The following COL27A1 variants were observed in gnomAD, a reference collection of about 807,000 sequenced individuals.
COL27A1 encodes collagen type XXVII alpha 1 chain, also known as collagen alpha-1(XXVII) chain.
Under a neutral mutation model 251.3 loss-of-function variants are expected in COL27A1, and 106 were observed. That is an observed-to-expected ratio of 0.42 (90% CI 0.36 to 0.50). The LOEUF is 0.50. Ranked by LOEUF, COL27A1 falls within the 20% of genes least tolerant of loss-of-function variation. COL27A1 has a pLI of 0.00. For missense variants in COL27A1, 2,325 were observed against 2,522.8 expected, an observed-to-expected ratio of 0.92 and a Z score of 1.68; for synonymous variants, 1,000 against 986.3, an observed-to-expected ratio of 1.01 and a Z score of -0.26.
rs1486363929 is a variant in COL27A1, at chr9:114,292,034, C to T, written c.4477-69C>T. 6.7e-6 allele frequency: 9 copies of T among 1,349,992 alleles called. No homozygotes were observed. In the African/African-American group the frequency reaches 1.0e-4, roughly 15 times the overall value. 83.6% of individuals were successfully genotyped at this position (1,349,992 alleles called of 1,614,324 possible). A position where few individuals can be genotyped will look rare whatever the true frequency, so the allele number is the denominator to read the frequency against. ...ATCACTGTTCTGGCTCTCCCAGGCC[C>T]CCTCCGCCTCCTCCTGCCTTAGAAC... On this transcript the variant is annotated intron_variant, in intron 48 of 60. Coordinates refer to ENST00000356083, the MANE Select transcript of COL27A1 (RefSeq NM_032888.4).
At chr9:114,234,122 A>G (rs944258882) in intron 16 of COL27A1, among the ~76,000 whole-genome samples, 22 of 147,730 alleles carry the variant, frequency 1.5e-4, no homozygotes, top group African/African-American at 5.5e-4. Flanking sequence ...CTTCAAATTC[A>G]TTGTCCTGAT....
At chr9:114,259,444 C>A (rs1834163117) in intron 28 of COL27A1, among the ~76,000 whole-genome samples, 1 of 152,188 alleles carries the variant, frequency 6.6e-6, no homozygotes, top group East Asian at 1.9e-4. Flanking sequence ...AGGTGCTATT[C>A]TCATTCCCAT....
At chr9:114,245,766 C>G in intron 23 of COL27A1, 100 bp from the exon 24 acceptor site, 1 of 1,090,638 alleles carries the variant, frequency 9.2e-7, no homozygotes, top group Non-Finnish European at 1.4e-6. Flanking sequence ...CTGGTTCATC[C>G]CCACTAATGG....
chr9:114,305,900 G>T (rs1425910609), intron 57 of COL27A1, among the ~76,000 whole-genome samples: 2 of 152,220 alleles, frequency 1.3e-5, no homozygotes, highest in African/African-American at 4.8e-5. Context: ...GTGGAAGGAG[G>T]GTTTATTTAG....
At chr9:114,287,060 T>C (rs1432938878) in intron 41 of COL27A1, among the ~76,000 whole-genome samples, 1 of 152,082 alleles carries the variant, frequency 6.6e-6, no homozygotes, top group Non-Finnish European at 1.5e-5. Flanking sequence ...CCAAGAACCA[T>C]AGAGAGTGGG....
chr9:114,197,753 G>A (rs1279090307), intron 7 of COL27A1, among the ~76,000 whole-genome samples: 1 of 152,238 alleles, frequency 6.6e-6, no homozygotes, highest in Non-Finnish European at 1.5e-5. Flanking sequence ...AAGCCACTGC[G>A]CAGCTGGAAA....
At chr9:114,309,559 T>G in intron 60 of COL27A1, 81 bp downstream of exon 60, 1 of 1,004,552 alleles carries the variant, frequency 1.0e-6, no homozygotes, top group Non-Finnish European at 1.5e-6. Context: ...GTTTCTATTA[T>G]AAGATTATAT....
At chr9:114,166,530 C>G (rs1185989338) in intron 2 of COL27A1, among the ~76,000 whole-genome samples, 1 of 152,136 alleles carries the variant, frequency 6.6e-6, no homozygotes, top group Non-Finnish European at 1.5e-5. Context: ...GCATTCAGCC[C>G]CCAGCACAAC....
At position 114,243,925 on chromosome 9, in the gene COL27A1, A is replaced by AT. The variant is rs397894289; in HGVS notation, c.2934+384dup. 7.6e-3 allele frequency among the ~76,000 whole-genome samples: 598 copies of AT among 78,734 alleles called. 3 individuals carry two copies. Among genetic ancestry groups the AT allele is most frequent in the Non-Finnish European group, 9.5e-3 (382 of 40,024 alleles). 51.7% of individuals were successfully genotyped at this position (78,734 alleles called of 152,430 possible). A position where few individuals can be genotyped will look rare whatever the true frequency, so the allele number is the denominator to read the frequency against. On this transcript the variant is annotated intron_variant, in intron 23 of 60. Transcript: ENST00000356083. Reference sequence around the variant, plus strand: ...TGCACCGTTTCTGTTTTTTTCTTTCATTTTTTTTTTTTTTTTTTTGAGATG... The same window carrying AT: ...TGCACCGTTTCTGTTTTTTTCTTTCATTTTTTTTTTTTTTTTTTTTGAGATG...
Position 114,300,077 on chromosome 9 carries a change from C to T in COL27A1, c.4592C>T (p.Ser1531Phe), listed in dbSNP as rs762524580. The change falls in exon 50 of 61, where the codon TCT becomes TTT. Residue 1531 changes from serine (S) to phenylalanine (F), a missense_variant. Coordinates refer to ENST00000356083, the MANE Select transcript of COL27A1 (RefSeq NM_032888.4). ...TTCCTGTTCTTCCTGCAGGGCGACTCTGGCGAGATGGGCTTCCCAGGAATG... is the reference window on the plus strand; with the variant it reads ...TTCCTGTTCTTCCTGCAGGGCGACTTTGGCGAGATGGGCTTCCCAGGAATG... ...EPGSKGQPGD[S>F]GEMGFPGMAG... The T allele has an allele frequency of 6.2e-7, 1 of 1,614,186 alleles. No homozygotes were observed. The highest frequency in any genetic ancestry group is 8.5e-7 in the Non-Finnish European group (1 of 1,180,006).
At chr9:114,252,468 C>G in intron 25 of COL27A1, 125 bp from the exon 26 acceptor site, 1 of 781,438 alleles carries the variant, frequency 1.3e-6, no homozygotes, top group East Asian at 2.5e-5. Context: ...GGCAGGGACC[C>G]TCTAGAGACC....
chr9:114,277,467 T>C (rs1174898684), intron 37 of COL27A1, among the ~76,000 whole-genome samples: 2 of 152,054 alleles, frequency 1.3e-5, no homozygotes, highest in African/African-American at 2.4e-5. Flanking sequence ...ACACTGTTTT[T>C]CCCCCCTGAA....
At chr9:114,173,333 C>A (rs1215428778) in intron 3 of COL27A1, among the ~76,000 whole-genome samples, 1 of 152,260 alleles carries the variant, frequency 6.6e-6, no homozygotes, top group African/African-American at 2.4e-5. Context: ...ACACCACGTG[C>A]TCTGTGACTA....
chr9:114,169,527 G>A, intron 3 of COL27A1, 64 bp downstream of exon 3: 2 of 1,321,222 alleles, frequency 1.5e-6, no homozygotes, highest in Non-Finnish European at 2.1e-6. Context: ...CATTGGTCAA[G>A]TGGTTGCCCC....
At chr9:114,174,418 TCA>T (rs1849542004) in intron 3 of COL27A1, among the ~76,000 whole-genome samples, 1 of 152,112 alleles carries the variant, frequency 6.6e-6, no homozygotes, top group Non-Finnish European at 1.5e-5. Flanking sequence ...AGGGGTCTCC[TCA>T]CAGAAGCAGG....
intron 1 of COL27A1, among the ~76,000 whole-genome samples, chr9:114,160,454 C>A (rs1387418553): frequency 6.6e-6 from 1 of 151,982 alleles, no homozygotes; most frequent in Non-Finnish European, 1.5e-5. Context: ...CGTGCCCGGC[C>A]GTTTTTTAAA....
At chr9:114,217,893 C>T (rs1264368575) in intron 12 of COL27A1, 3 of 459,504 alleles carry the variant, frequency 6.5e-6, no homozygotes, top group Non-Finnish European at 8.9e-6. Flanking sequence ...GCAGGCAGAT[C>T]GCTTGAGCCC....
chr9:114,255,170 G>A (rs1051542060), intron 27 of COL27A1, among the ~76,000 whole-genome samples: 3 of 152,230 alleles, frequency 2.0e-5, no homozygotes, highest in Admixed American at 6.5e-5. Flanking sequence ...CTGGCCCAGG[G>A]CTGGAGGAGC....
rs1387727002 is a variant in COL27A1, at chr9:114,245,884, G to A, written c.2953G>A (p.Gly985Ser). The A allele has an allele frequency of 1.2e-6, 2 of 1,613,076 alleles. No homozygotes were observed. The highest frequency in any genetic ancestry group is 1.1e-5 in the South Asian group (1 of 90,890). Residue 985 changes from glycine (G) to serine (S), a missense_variant, in exon 24 of 61, where the codon GGT (glycine) becomes AGT (serine). This residue lies in a region of COL27A1 where 662 missense variants were observed against 795.3 expected (regional missense o/e 0.83). Transcript: ENST00000356083. ...DGVKGEPGDPGRPGPVGEQGF... is the reference protein window; with the variant it reads ...DGVKGEPGDPSRPGPVGEQGF... ...TTTGCAGGGGGAACCAGGGGATCCT[G>A]GTCGGCCGGGGCCTGTGGGAGAGCA...
Sources: allele counts gnomAD v4.1 joint callset (sites outside exome capture counted in the v4.1 genomes callset), GRCh38; gene constraint gnomAD v4.1.1; regional missense constraint gnomAD v4.1.1; transcripts MANE v1.5; gene names NCBI Gene and HGNC (gene_info 2026-07-23, HGNC 2026-07-21).